Variants in KLHL3 observed in about 807,000 individuals in gnomAD.
KLHL3 encodes kelch-like protein 3.
In KLHL3, 19 loss-of-function variants were observed where a neutral mutation model predicts 70.5. The ratio of observed to expected loss-of-function variants is 0.27; its 90% CI spans 0.19 to 0.40. The LOEUF is 0.40. Ranked by LOEUF, KLHL3 falls within the 10% of genes least tolerant of loss-of-function variation. The pLI, the probability that KLHL3 is intolerant of heterozygous loss-of-function variation, is 1.00. For missense variants in KLHL3, 512 were observed against 771.1 expected, an observed-to-expected ratio of 0.66 and a Z score of 3.98; for synonymous variants, 258 against 290.3, an observed-to-expected ratio of 0.89 and a Z score of 1.13.
chr5:137,641,747 G>T (rs1185879550), intron 8 of KLHL3, among the ~76,000 whole-genome samples: 1 of 152,162 alleles, frequency 6.6e-6, no homozygotes, highest in Non-Finnish European at 1.5e-5. Flanking sequence ...CTGGTCATCA[G>T]ACTTAGTCCA....
At position 137,639,263 on chromosome 5, in the gene KLHL3, C is replaced by G. The variant is rs1316247913; in HGVS notation, c.1022-113G>C. 5 of 958,704 alleles carry G rather than the reference C, an allele frequency of 5.2e-6. No homozygotes were observed. In the South Asian group the frequency reaches 7.9e-5, roughly 15 times the overall value. The allele number at this position is 958,704 out of a possible 1,614,324, so 59.4% of individuals were successfully genotyped here. On this transcript the variant is annotated intron_variant, in intron 9 of 14. Transcript: ENST00000309755. This position sits in a 1 kb window ranked among gnomAD's most constrained non-coding sequence, Gnocchi z 5.0. ...ACAGGAAAAGTCGCCACCGAAGATA[C>G]TTTAGGTATTTGGCAGTCATTATGG...
intron 1 of KLHL3, among the ~76,000 whole-genome samples, chr5:137,731,840 G>GT (rs1189816478): frequency 1.3e-5 from 2 of 152,276 alleles, no homozygotes; most frequent in Middle Eastern, 3.4e-3. Flanking sequence ...GGGCCTGAAT[G>GT]TTTTTTATTG....
intron 1 of KLHL3, among the ~76,000 whole-genome samples, chr5:137,732,172 TCA>T (rs1000748865): frequency 2.0e-5 from 3 of 152,126 alleles, no homozygotes; most frequent in African/African-American, 7.2e-5. Flanking sequence ...TTCTCTACAT[TCA>T]CACTCACACA....
At chr5:137,705,191 G>A (rs1752661347) in intron 3 of KLHL3, among the ~76,000 whole-genome samples, 1 of 152,172 alleles carries the variant, frequency 6.6e-6, no homozygotes, top group South Asian at 2.1e-4. Context: ...CAGTTTTGCT[G>A]AGCTGCATGT....
chr5:137,621,896 C>A lies in KLHL3; in HGVS notation c.*202G>T. 1.6e-6 allele frequency: 1 copy of A among 628,642 alleles called. No homozygotes were observed. Among genetic ancestry groups the A allele is most frequent in the East Asian group, 2.7e-5 (1 of 36,444 alleles). The allele number at this position is 628,642 out of a possible 1,614,324, so 38.9% of individuals were successfully genotyped here. A position where few individuals can be genotyped will look rare whatever the true frequency, so the allele number is the denominator to read the frequency against. On this transcript the variant is annotated 3_prime_UTR_variant, in exon 15 of 15. Coordinates refer to ENST00000309755, the MANE Select transcript of KLHL3 (RefSeq NM_017415.3). Reference sequence around the variant, plus strand: ...AGACCCCCCTTGCTCAGGGCATAGGCCAGAGCACCTCAGGGGAACGGGGGT... The same window carrying A: ...AGACCCCCCTTGCTCAGGGCATAGGACAGAGCACCTCAGGGGAACGGGGGT...
chr5:137,721,668 T>C (rs149606142), intron 1 of KLHL3, among the ~76,000 whole-genome samples: 39 of 152,306 alleles, frequency 2.6e-4, no homozygotes, highest in African/African-American at 9.1e-4. Flanking sequence ...GACAAGGGTA[T>C]GGTGGCTCAT....
chr5:137,677,779 G>A (rs1453318772), intron 5 of KLHL3, 125 bp from the exon 6 acceptor site: 3 of 531,590 alleles, frequency 5.6e-6, no homozygotes, highest in Non-Finnish European at 9.7e-6. Context: ...TGGAGGGAAA[G>A]GGAGTGAAAC....
At chr5:137,727,944 A>T (rs1753111243) in intron 1 of KLHL3, among the ~76,000 whole-genome samples, 1 of 152,218 alleles carries the variant, frequency 6.6e-6, no homozygotes, top group Non-Finnish European at 1.5e-5. Flanking sequence ...TTAAGCTACC[A>T]ACATGATGCC....
chr5:137,730,024 G>A (rs1753149396), intron 1 of KLHL3, among the ~76,000 whole-genome samples: 1 of 152,136 alleles, frequency 6.6e-6, no homozygotes, highest in East Asian at 1.9e-4. Context: ...GCATTAGTAA[G>A]GTACAGATCG....
At chr5:137,685,683 TG>T (rs1334014396) in intron 5 of KLHL3, among the ~76,000 whole-genome samples, 4 of 152,200 alleles carry the variant, frequency 2.6e-5, no homozygotes, top group Non-Finnish European at 4.4e-5. Flanking sequence ...CTGCTAAGAA[TG>T]TTTTTTTAAG....
chr5:137,677,454 A>T, intron 6 of KLHL3, 91 bp downstream of exon 6: 1 of 757,036 alleles, frequency 1.3e-6, no homozygotes, highest in Non-Finnish European at 2.2e-6. Context: ...TCTCAAAAAA[A>T]AAGAAAAGAA....
chr5:137,709,643 G>A lies in KLHL3; in HGVS notation c.241+107C>T, dbSNP rs1008644929. On this transcript the variant is annotated intron_variant, in intron 3 of 14. Coordinates refer to ENST00000309755, the MANE Select transcript of KLHL3 (RefSeq NM_017415.3). ...GGCGTAGAGAAGCCCCTCATAGTGG[G>A]CTAATGGCTTTCTCTTTCCTCCCTC... The A allele has an allele frequency of 1.2e-4, 101 of 851,358 alleles. No individual in the cohort carries two copies. The African/African-American group carries it at 1.6e-3, about 13-fold the overall frequency. The allele number at this position is 851,358 out of a possible 1,614,324, so 52.7% of individuals were successfully genotyped here.
chr5:137,678,262 C>T (rs1218387608), intron 5 of KLHL3, among the ~76,000 whole-genome samples: 1 of 152,056 alleles, frequency 6.6e-6, no homozygotes, highest in African/African-American at 2.4e-5. Context: ...AGGAACAGTC[C>T]ACAGAGCCAG....
chr5:137,623,939 C>G (rs1331991525), intron 14 of KLHL3, among the ~76,000 whole-genome samples: 1 of 152,202 alleles, frequency 6.6e-6, no homozygotes, highest in Admixed American at 6.5e-5. Flanking sequence ...CTATTCAACC[C>G]CCACTCCCAC....
Position 137,628,409 on chromosome 5 carries a change from G to A in KLHL3, c.1479C>T (p.Tyr493=), listed in dbSNP as rs201519827. 8.7e-5 allele frequency: 141 copies of A among 1,614,002 alleles called. No individual in the cohort carries two copies. Among genetic ancestry groups the A allele is most frequent in the Admixed American group, 4.2e-4 (25 of 59,994 alleles). ...AGVGVLSGQL[Y]ATGGHDGPLV... ...AAGGCCCATCATGCCCACCTGTGGC[G>A]TACAGCTGTCCGCTAAGCACTCCAA... The change falls in exon 13 of 15, where the codon TAC becomes TAT. Residue 493 remains tyrosine (Y), a synonymous_variant. Coordinates refer to ENST00000309755, the MANE Select transcript of KLHL3 (RefSeq NM_017415.3).
At chr5:137,682,117 T>C (rs1034601271) in intron 5 of KLHL3, among the ~76,000 whole-genome samples, 1 of 152,082 alleles carries the variant, frequency 6.6e-6, no homozygotes, top group African/African-American at 2.4e-5. Context: ...TTTACATATA[T>C]TATGTCTCTC....
chr5:137,725,655 A>C (rs1753073844), intron 1 of KLHL3, among the ~76,000 whole-genome samples: 1 of 152,250 alleles, frequency 6.6e-6, no homozygotes, highest in African/African-American at 2.4e-5. Context: ...TGATCATCTA[A>C]GCCATTTTCT....
At chr5:137,652,181 T>C (rs1751217522) in intron 8 of KLHL3, among the ~76,000 whole-genome samples, 1 of 151,780 alleles carries the variant, frequency 6.6e-6, no homozygotes, top group South Asian at 2.1e-4. Flanking sequence ...AAATAAACCA[T>C]AACAGAAAAA....
At chr5:137,734,531 C>T (rs1227791246) in intron 1 of KLHL3, among the ~76,000 whole-genome samples, 2 of 152,108 alleles carry the variant, frequency 1.3e-5, no homozygotes, top group African/African-American at 2.4e-5. Context: ...CACTGTGCCC[C>T]GTGAGACACA....
Sources: gnomAD v4.1 joint callset for allele counts (sites outside exome capture counted in the v4.1 genomes callset) on GRCh38, gnomAD v4.1.1 for gene constraint, Gnocchi (gnomAD v3.1) non-coding constraint, MANE v1.5 for transcripts, NCBI Gene and HGNC (gene_info 2026-07-23, HGNC 2026-07-21) for gene names.